PTPRD: variants seen among roughly 807,000 people sequenced by gnomAD.
The protein encoded by PTPRD is protein tyrosine phosphatase receptor type D.
Under a neutral mutation model 214.5 loss-of-function variants are expected in PTPRD, and 34 were observed. That is an observed-to-expected ratio of 0.16 (90% CI 0.12 to 0.21). The LOEUF (loss-of-function observed/expected upper bound fraction) is 0.21, where lower values mean the gene tolerates loss of function less well. Ranked by LOEUF, PTPRD falls within the 10% of genes least tolerant of loss-of-function variation. The pLI, the probability that PTPRD is intolerant of heterozygous loss-of-function variation, is 1.00. For missense variants in PTPRD, 2,545 were observed against 2,398.7 expected (o/e 1.06, Z -1.27); for synonymous variants, 1,128 against 845.7 (o/e 1.33, Z -5.79).
intron 5 of PTPRD, among the ~76,000 whole-genome samples, chr9:9,782,116 T>A (rs1319027170): frequency 6.6e-6 from 1 of 151,956 alleles, no homozygotes; most frequent in Non-Finnish European, 1.5e-5. Context: ...GATACCTTTC[T>A]CCAGAAGTAT....
intron 11 of PTPRD, among the ~76,000 whole-genome samples, chr9:8,902,146 T>A (rs1189902630): frequency 6.8e-6 from 1 of 147,526 alleles, no homozygotes; most frequent in Non-Finnish European, 1.5e-5. Flanking sequence ...ATTAATCTCA[T>A]TTAGGCTTCC....
Position 8,317,205 on chromosome 9 carries a change from A to G in PTPRD, c.*669T>C, listed in dbSNP as rs1822534864. 4.3e-6 allele frequency: 1 copy of G among 232,064 alleles called. No homozygotes were observed. The highest frequency in any genetic ancestry group is 2.2e-5 in the African/African-American group (1 of 45,358). 14.4% of individuals were successfully genotyped at this position (232,064 alleles called of 1,614,324 possible). ...TGATATTTCTACAGCAAGATATTAC[A>G]GATAACAGTTCTACAGCTTAAAAAA... On this transcript the variant is annotated 3_prime_UTR_variant, in exon 46 of 46. Coordinates refer to ENST00000381196, the MANE Select transcript of PTPRD (RefSeq NM_002839.4).
At chr9:9,624,600 C>T (rs1034146029) in intron 7 of PTPRD, among the ~76,000 whole-genome samples, 1 of 151,856 alleles carries the variant, frequency 6.6e-6, no homozygotes, top group Non-Finnish European at 1.5e-5. Context: ...ATTTTGGTAG[C>T]TGTTGTTTTA....
Position 8,330,222 on chromosome 9 carries a change from C to A in PTPRD, c.5534+1360G>T, listed in dbSNP as rs138028964. Among the ~76,000 whole-genome samples the A allele has an allele frequency of 3.4e-3, 515 of 152,284 alleles. 4 individuals carry two copies. Among genetic ancestry groups the A allele is most frequent in the African/African-American group, 0.012 (480 of 41,566 alleles). ...GGGCTGCACCCACTGTCCAACCAGTCCCAATGAGATGAAATGGGAAACGCA... is the reference window on the plus strand; with the variant it reads ...GGGCTGCACCCACTGTCCAACCAGTACCAATGAGATGAAATGGGAAACGCA... On this transcript the variant is annotated intron_variant, in intron 44 of 45. Transcript: ENST00000381196.
At chr9:10,471,902 C>A (rs896996795) in intron 2 of PTPRD, among the ~76,000 whole-genome samples, 1 of 151,926 alleles carries the variant, frequency 6.6e-6, no homozygotes, top group Non-Finnish European at 1.5e-5. Flanking sequence ...ACCAAAACAT[C>A]ATAAGATAAT....
chr9:10,072,220 T>A (rs2098035185), intron 3 of PTPRD, among the ~76,000 whole-genome samples: 1 of 151,928 alleles, frequency 6.6e-6, no homozygotes, highest in Admixed American at 6.6e-5. Context: ...TATATGAAAA[T>A]ATGCTCAATA....
At chr9:8,824,156 A>G (rs945712279) in intron 11 of PTPRD, among the ~76,000 whole-genome samples, 2 of 151,928 alleles carry the variant, frequency 1.3e-5, no homozygotes, top group African/African-American at 4.8e-5. Context: ...TTTTGTGCTG[A>G]CCTTTTATCT....
intron 9 of PTPRD, among the ~76,000 whole-genome samples, chr9:9,355,542 G>C (rs1396390399): frequency 6.6e-6 from 1 of 151,564 alleles, no homozygotes; most frequent in African/African-American, 2.4e-5. Context: ...TATCATTTGA[G>C]ATGGAGAAGA....
intron 5 of PTPRD, among the ~76,000 whole-genome samples, chr9:9,877,109 A>G (rs575276379): frequency 9.9e-5 from 15 of 152,266 alleles, no homozygotes; most frequent in Admixed American, 7.2e-4. Flanking sequence ...TTACAGAGAT[A>G]TATTTCAGCT....
intron 8 of PTPRD, among the ~76,000 whole-genome samples, chr9:9,434,448 T>C (rs959854344): frequency 6.6e-6 from 1 of 152,198 alleles, no homozygotes; most frequent in African/African-American, 2.4e-5. Context: ...CCCAAAGTGA[T>C]CTACAGATTT....
intron 5 of PTPRD, among the ~76,000 whole-genome samples, chr9:9,853,256 A>G (rs1380969456): frequency 6.6e-6 from 1 of 152,238 alleles, no homozygotes; most frequent in Non-Finnish European, 1.5e-5. Flanking sequence ...GACAACATGG[A>G]AACAACTGAA....
intron 9 of PTPRD, among the ~76,000 whole-genome samples, chr9:9,363,983 T>C (rs1002989618): frequency 1.3e-5 from 2 of 151,540 alleles, no homozygotes; most frequent in South Asian, 4.2e-4. Context: ...CACGGCATTT[T>C]ATGGTATTAG....
chr9:9,420,179 T>C, intron 8 of PTPRD, among the ~76,000 whole-genome samples: 1 of 151,910 alleles, frequency 6.6e-6, no homozygotes, highest in Non-Finnish European at 1.5e-5. Flanking sequence ...CTATAAAGCT[T>C]AATATTTTAG....
chr9:8,954,345 T>G (rs2099119947), intron 11 of PTPRD, among the ~76,000 whole-genome samples: 1 of 151,736 alleles, frequency 6.6e-6, no homozygotes, highest in African/African-American at 2.4e-5. Flanking sequence ...GACTACTACA[T>G]GGGAGAAAGG....
intron 12 of PTPRD, among the ~76,000 whole-genome samples, 198 bp from the exon 13 acceptor site, chr9:8,637,042 GGTTAA>G (rs1226104983): frequency 6.6e-6 from 1 of 151,984 alleles, no homozygotes; most frequent in African/African-American, 2.4e-5. Flanking sequence ...ATAACTTTCT[GGTTAA>G]GTTATCTATT....
At chr9:10,415,724 A>T (rs2098480944) in intron 2 of PTPRD, among the ~76,000 whole-genome samples, 1 of 151,910 alleles carries the variant, frequency 6.6e-6, no homozygotes, top group Non-Finnish European at 1.5e-5. Flanking sequence ...TGTAAATCTT[A>T]ATTCCCCCAA....
At chr9:8,633,715 T>A (rs1025133106) in intron 13 of PTPRD, among the ~76,000 whole-genome samples, 3 of 152,116 alleles carry the variant, frequency 2.0e-5, no homozygotes, top group Non-Finnish European at 4.4e-5. Flanking sequence ...CAGGGTTTAT[T>A]CATTAAAATA....
intron 14 of PTPRD, among the ~76,000 whole-genome samples, chr9:8,587,021 G>A (rs2093712171): frequency 6.6e-6 from 1 of 151,986 alleles, no homozygotes; most frequent in African/African-American, 2.4e-5. Context: ...GTGGTGGCGG[G>A]TGCCTGTAGT....
At chr9:9,262,422 T>C (rs959638250) in intron 9 of PTPRD, among the ~76,000 whole-genome samples, 1 of 151,516 alleles carries the variant, frequency 6.6e-6, no homozygotes, top group African/African-American at 2.4e-5. Flanking sequence ...TCCTGGTGTT[T>C]ATTTTATTTT....
Sources: gnomAD v4.1 joint callset for allele counts (sites outside exome capture counted in the v4.1 genomes callset) on GRCh38, gnomAD v4.1.1 for gene constraint, MANE v1.5 for transcripts, NCBI Gene and HGNC (gene_info 2026-07-23, HGNC 2026-07-21) for gene names.